Variants in NEDD9 observed in about 807,000 individuals in gnomAD.
NEDD9 encodes neural precursor cell expressed, developmentally down-regulated 9.
NEDD9 carries 26 observed loss-of-function variants against 76.6 expected under a neutral mutation model. That is an observed-to-expected ratio of 0.34 (90% CI 0.25 to 0.47). NEDD9 has a LOEUF of 0.47. Ranked by LOEUF, NEDD9 falls within the 20% of genes least tolerant of loss-of-function variation. The pLI is 1.00. For missense variants in NEDD9, 937 were observed against 1,058.5 expected (o/e 0.89, Z 1.59); for synonymous variants, 392 against 414.2 (o/e 0.95, Z 0.65).
At chr6:11,235,915 T>C (rs539382683), upstream of NEDD9, among the ~76,000 whole-genome samples, 3 of 152,304 alleles carry the variant, frequency 2.0e-5, no homozygotes, top group East Asian at 5.8e-4. The surrounding 1 kb of genome is among the most constrained non-coding windows in gnomAD (Gnocchi z 4.1). Flanking sequence ...TGCAGTGTTT[T>C]GACCAGGGAG....
At chr6:11,373,507 T>C (rs181865912) in intron 1 of NEDD9, among the ~76,000 whole-genome samples, 2,118 of 151,882 alleles carry the variant, frequency 0.014, 15 homozygotes, top group Middle Eastern at 0.041. Context: ...CTACTGCGAG[T>C]GTTTTAATTA....
intron 3 of NEDD9, among the ~76,000 whole-genome samples, chr6:11,287,803 CA>C (rs1338657940): frequency 1.3e-5 from 2 of 152,194 alleles, no homozygotes; most frequent in African/African-American, 4.8e-5. Flanking sequence ...ACCCATCACC[CA>C]GCAGGTAAGA....
rs544148879 is a variant in NEDD9 at position 11,192,857 on chromosome 6, C to T, written c.562-411G>A. Among the ~76,000 whole-genome samples the T allele has an allele frequency of 4.0e-5, 5 of 125,744 alleles. No homozygotes were observed. In the East Asian group the frequency reaches 8.2e-4, roughly 21 times the overall value. The allele number at this position is 125,744 out of a possible 152,430, so 82.5% of individuals were successfully genotyped here. ...CTGAGACAGGAGAATCGCCTGAACC[C>T]GGGAGGCAGAGGTTGCAGTGAGCTG... is the stretch of plus-strand genomic sequence containing the variant. On this transcript the variant is annotated intron_variant, in intron 3 of 6. Transcript: ENST00000379446.
At chr6:11,205,272 G>T (rs1758574767) in intron 2 of NEDD9, among the ~76,000 whole-genome samples, 1 of 152,206 alleles carries the variant, frequency 6.6e-6, no homozygotes, top group South Asian at 2.1e-4. Context: ...GGATCAGGTG[G>T]TAGTACCTCT....
At chr6:11,363,896 T>C (rs1272231763) in intron 1 of NEDD9, among the ~76,000 whole-genome samples, 1 of 152,164 alleles carries the variant, frequency 6.6e-6, no homozygotes, top group Non-Finnish European at 1.5e-5. Context: ...CAGATATATA[T>C]ATTACCTTAT....
Position 11,185,202 on chromosome 6 carries a change from T to G in NEDD9, c.2465A>C (p.Gln822Pro). 6.2e-7 allele frequency: 1 copy of G among 1,614,002 alleles called. No homozygotes were observed. Among genetic ancestry groups the G allele is most frequent in the Non-Finnish European group, 8.5e-7 (1 of 1,179,896 alleles). Residue 822 changes from glutamine (Q) to proline (P), a missense_variant, in exon 7 of 7, where the codon CAG becomes CCG. Coordinates refer to ENST00000379446, the MANE Select transcript of NEDD9 (RefSeq NM_006403.4). ...CTCCAGCAAAGAGCGCTTGAACAGC[T>G]GGGCATTTCTAGAAAGGTCTGTCAC... ...HQVTDLSRNA[Q>P]LFKRSLLEMA...
chr6:11,354,628 A>G (rs1047867532), intron 1 of NEDD9, among the ~76,000 whole-genome samples: 2 of 152,118 alleles, frequency 1.3e-5, no homozygotes, highest in Non-Finnish European at 2.9e-5. Flanking sequence ...GTTTTCACCT[A>G]CCCAGCATCT....
intron 1 of NEDD9, among the ~76,000 whole-genome samples, chr6:11,225,021 G>A (rs770122288): frequency 2.5e-4 from 38 of 152,132 alleles, no homozygotes; most frequent in Non-Finnish European, 4.6e-4. Context: ...CAGGAGATCT[G>A]GTTCAAATCT....
At chr6:11,346,234 G>A (rs1198864362) in intron 1 of NEDD9, among the ~76,000 whole-genome samples, 1 of 152,186 alleles carries the variant, frequency 6.6e-6, no homozygotes, top group Non-Finnish European at 1.5e-5. Context: ...AAACATGGCT[G>A]TGAATGTAAT....
In NEDD9 at chr6:11,185,280, A is replaced by G. The variant is rs756416013; in HGVS notation, c.2387T>C (p.Met796Thr). 3.7e-6 allele frequency: 6 copies of G among 1,613,994 alleles called. No individual in the cohort carries two copies. Among genetic ancestry groups the G allele is most frequent in the Admixed American group, 1.7e-5 (1 of 59,990 alleles). Residue 796 changes from methionine (M) to threonine (T), a missense_variant, in exon 7 of 7, where the codon ATG (methionine) becomes ACG (threonine). Met to Thr is a moderately conservative substitution (Grantham distance 81). Coordinates refer to ENST00000379446, the MANE Select transcript of NEDD9 (RefSeq NM_006403.4). Reference protein sequence around the residue: ...QLKTIVMATKMAALHYPSTTA... With the variant: ...QLKTIVMATKTAALHYPSTTA... The stretch of plus-strand genomic sequence containing the variant: ...GGTGCTGGGGTAATGGAGGGCGGCC[A>G]TCTTGGTTGCCATGACTATGGTCTT...
intron 3 of NEDD9, among the ~76,000 whole-genome samples, chr6:11,269,233 A>C (rs10947075): frequency 0.19 from 28,330 of 152,100 alleles, 2,943 homozygotes; most frequent in Middle Eastern, 0.28. Context: ...TGTGACAATA[A>C]ATTTCTGACT....
chr6:11,188,703 G>A (rs1703483999), intron 5 of NEDD9, among the ~76,000 whole-genome samples: 1 of 152,192 alleles, frequency 6.6e-6, no homozygotes, highest in Non-Finnish European at 1.5e-5. Context: ...CTCCAAGGCA[G>A]TAGTTCCCAC....
intron 1 of NEDD9, among the ~76,000 whole-genome samples, chr6:11,215,361 C>T (rs547492179): frequency 6.6e-6 from 1 of 152,250 alleles, no homozygotes; most frequent in South Asian, 2.1e-4. Context: ...GTGCATATTT[C>T]AGGGGAAGGT....
chr6:11,337,402 A>G (rs1302153475), intron 1 of NEDD9, among the ~76,000 whole-genome samples: 1 of 152,250 alleles, frequency 6.6e-6, no homozygotes, highest in African/African-American at 2.4e-5. Context: ...CAAATATTAT[A>G]GACTGTACAC....
intron 2 of NEDD9, among the ~76,000 whole-genome samples, chr6:11,325,232 G>C: frequency 6.6e-6 from 1 of 152,038 alleles, no homozygotes; most frequent in East Asian, 1.9e-4. Flanking sequence ...CCGGGTGCCT[G>C]TAATCCCAGC....
At chr6:11,303,611 T>C (rs998710273) in intron 3 of NEDD9, among the ~76,000 whole-genome samples, 1 of 151,960 alleles carries the variant, frequency 6.6e-6, no homozygotes, top group Non-Finnish European at 1.5e-5. Context: ...CCAAAACAGA[T>C]ATATAGATCA....
At chr6:11,350,456 GTTCAGT>G (rs1374805457) in intron 1 of NEDD9, among the ~76,000 whole-genome samples, 1 of 152,166 alleles carries the variant, frequency 6.6e-6, no homozygotes, top group Admixed American at 6.5e-5. Flanking sequence ...TTTTCTCTCA[GTTCAGT>G]TTCTCTTTCA....
Position 11,357,002 on chromosome 6 carries a change from C to T in NEDD9, c.-213-22441G>A, listed in dbSNP as rs1023747897. On this transcript the variant is annotated intron_variant, in intron 1 of 3. Coordinates refer to the NEDD9 transcript ENST00000397378. ...GCTGAATACAATGAGGTGACTGAGG[C>T]CTTCTGTTCCGGAGCCTCTAGCCAA... Among the ~76,000 whole-genome samples the T allele has an allele frequency of 7.9e-5, 12 of 152,162 alleles. No homozygotes were observed. The East Asian group carries it at 2.3e-3, about 29-fold the overall frequency.
At chr6:11,233,281 C>T (rs753674423), upstream of NEDD9, 6 of 518,932 alleles carry the variant, frequency 1.2e-5, no homozygotes, top group African/African-American at 9.6e-5. Context: ...GAAGACAATT[C>T]TCCCTTAGTG....
Sources: gnomAD v4.1 joint callset for allele counts (sites outside exome capture counted in the v4.1 genomes callset) on GRCh38, gnomAD v4.1.1 for gene constraint, Gnocchi (gnomAD v3.1) non-coding constraint, MANE v1.5 for transcripts, NCBI Gene and HGNC (gene_info 2026-07-23, HGNC 2026-07-21) for gene names.